LRRTM4: variants seen among roughly 807,000 people sequenced by gnomAD.
LRRTM4 encodes the protein leucine rich repeat transmembrane neuronal 4.
A neutral mutation model predicts 47.6 loss-of-function variants in LRRTM4; 25 were observed. The ratio of observed to expected loss-of-function variants is 0.53; its 90% CI spans 0.38 to 0.73. The LOEUF (loss-of-function observed/expected upper bound fraction) is 0.73, where lower values mean the gene tolerates loss of function less well. LRRTM4 is among the 30% of genes least tolerant of loss of function. The pLI, the probability that LRRTM4 is intolerant of heterozygous loss-of-function variation, is 0.00. For synonymous variants in LRRTM4, 311 were observed against 269.5 expected, an observed-to-expected ratio of 1.15 and a Z score of -1.51; for missense variants, 638 against 713.4, an observed-to-expected ratio of 0.89 and a Z score of 1.20.
chr2:77,434,733 C>T (rs879763699), intron 3 of LRRTM4, among the ~76,000 whole-genome samples: 3 of 152,104 alleles, frequency 2.0e-5, no homozygotes, highest in Admixed American at 1.3e-4. Context: ...ACAGCATTCC[C>T]ATTTTAAAAG....
intron 3 of LRRTM4, among the ~76,000 whole-genome samples, chr2:77,479,416 T>A (rs1677563465): frequency 6.6e-6 from 1 of 152,148 alleles, no homozygotes; most frequent in African/African-American, 2.4e-5. Context: ...CAAAAAAAGA[T>A]CAAACAGTCA....
chr2:77,197,305 G>A (rs1002737309), intron 3 of LRRTM4, among the ~76,000 whole-genome samples: 3 of 151,936 alleles, frequency 2.0e-5, no homozygotes, highest in African/African-American at 4.8e-5. Context: ...GAAATATGAA[G>A]GTTAACATAG....
At chr2:77,336,602 A>T (rs564088728) in intron 3 of LRRTM4, among the ~76,000 whole-genome samples, 1 of 152,306 alleles carries the variant, frequency 6.6e-6, no homozygotes, top group East Asian at 1.9e-4. Context: ...GTATAGAATT[A>T]AAAGCAAAAA....
At chr2:76,855,773 T>G (rs930069691) in intron 3 of LRRTM4, among the ~76,000 whole-genome samples, 5 of 152,264 alleles carry the variant, frequency 3.3e-5, no homozygotes, top group African/African-American at 1.2e-4. Context: ...CATGGGACTA[T>G]GAGAGCTTAA....
chr2:77,103,667 A>ATATATATATATC (rs145819033), intron 3 of LRRTM4, among the ~76,000 whole-genome samples: 3,967 of 146,146 alleles, frequency 0.027, 103 homozygotes, highest in East Asian at 0.092. Context: ...ATATATAGAT[A>ATATATATATATC]TATATATCAC....
chr2:76,944,371 A>G (rs1227241621), intron 3 of LRRTM4, among the ~76,000 whole-genome samples: 5 of 152,162 alleles, frequency 3.3e-5, no homozygotes, highest in African/African-American at 1.2e-4. Flanking sequence ...CCCAGCACCA[A>G]AAAACACACT....
chr2:76,807,413 T>TATATACACACAC (rs1553412589), intron 3 of LRRTM4, among the ~76,000 whole-genome samples: 33 of 95,030 alleles, frequency 3.5e-4, no homozygotes, highest in African/African-American at 1.4e-3. Context: ...TATACGTATA[T>TATATACACACAC]ATATATATAT....
intron 3 of LRRTM4, among the ~76,000 whole-genome samples, chr2:77,278,050 T>C (rs1373240719): frequency 6.6e-6 from 1 of 151,952 alleles, no homozygotes; most frequent in African/African-American, 2.4e-5. Context: ...CTAATTACCA[T>C]GTTGGAGAGA....
intron 3 of LRRTM4, among the ~76,000 whole-genome samples, chr2:77,470,398 C>A (rs1677143584): frequency 6.6e-6 from 1 of 152,106 alleles, no homozygotes; most frequent in South Asian, 2.1e-4. Context: ...TAACACAAAG[C>A]AAGTGTTTGA....
At chr2:76,768,944 G>T (rs1376846738) in intron 3 of LRRTM4, among the ~76,000 whole-genome samples, 1 of 152,060 alleles carries the variant, frequency 6.6e-6, no homozygotes, top group African/African-American at 2.4e-5. Context: ...CTGACACAAA[G>T]AAATGTCTTT....
intron 3 of LRRTM4, among the ~76,000 whole-genome samples, chr2:77,193,010 A>G (rs1484940370): frequency 1.3e-5 from 2 of 152,172 alleles, no homozygotes; most frequent in Non-Finnish European, 2.9e-5. Context: ...AAAATCACAT[A>G]TCTAATGGTG....
intron 3 of LRRTM4, among the ~76,000 whole-genome samples, chr2:77,422,628 T>A (rs1674946104): frequency 6.6e-6 from 1 of 152,184 alleles, no homozygotes; most frequent in Admixed American, 6.5e-5. Context: ...AATAGAATAT[T>A]TGACTATGAT....
intron 3 of LRRTM4, among the ~76,000 whole-genome samples, chr2:77,256,090 G>T (rs1003435505): frequency 1.3e-5 from 2 of 151,978 alleles, no homozygotes; most frequent in Non-Finnish European, 2.9e-5. Context: ...TAATATTGGG[G>T]TTATCTTTAT....
At chr2:77,125,046 A>G (rs1020454879) in intron 3 of LRRTM4, among the ~76,000 whole-genome samples, 1 of 152,206 alleles carries the variant, frequency 6.6e-6, no homozygotes, top group African/African-American at 2.4e-5. Flanking sequence ...AAAGTCATAA[A>G]AATAAATTAC....
chr2:77,099,855 A>C (rs1249798425), intron 3 of LRRTM4, among the ~76,000 whole-genome samples: 1 of 152,136 alleles, frequency 6.6e-6, no homozygotes, highest in Non-Finnish European at 1.5e-5. Context: ...ACATAATTTT[A>C]AAAATAAAAT....
chr2:77,130,436 T>C (rs1270150955), intron 3 of LRRTM4, among the ~76,000 whole-genome samples: 1 of 152,140 alleles, frequency 6.6e-6, no homozygotes, highest in Non-Finnish European at 1.5e-5. Context: ...CTATGGAGTA[T>C]TTTTGAAGAA....
At chr2:77,302,102 G>A (rs976162501) in intron 3 of LRRTM4, among the ~76,000 whole-genome samples, 14 of 152,112 alleles carry the variant, frequency 9.2e-5, no homozygotes, top group South Asian at 2.1e-4. Context: ...AAGCAATAGA[G>A]GAATAGATAG....
At chr2:77,359,208 T>C (rs186896750) in intron 3 of LRRTM4, among the ~76,000 whole-genome samples, 36 of 152,274 alleles carry the variant, frequency 2.4e-4, no homozygotes, top group African/African-American at 7.7e-4. Context: ...TATGTTCTTG[T>C]TTTATGACTT....
chr2:77,148,686 T>A (rs953055729), intron 3 of LRRTM4, among the ~76,000 whole-genome samples: 3 of 152,150 alleles, frequency 2.0e-5, no homozygotes, highest in Non-Finnish European at 4.4e-5. Flanking sequence ...GCCCTTACAA[T>A]TGATTGTAGA....
Sources: gnomAD v4.1 joint callset for allele counts (sites outside exome capture counted in the v4.1 genomes callset) on GRCh38, gnomAD v4.1.1 for gene constraint, MANE v1.5 for transcripts, NCBI Gene and HGNC (gene_info 2026-07-23, HGNC 2026-07-21) for gene names.